The following BTRC variants were observed in gnomAD, a reference collection of about 807,000 sequenced individuals.
The protein encoded by BTRC is F-box/WD repeat-containing protein 1A.
BTRC carries 42 observed loss-of-function variants against 85.5 expected under a neutral mutation model. The ratio of observed to expected loss-of-function variants is 0.49; its 90% CI spans 0.38 to 0.64. BTRC has a LOEUF of 0.64. Among genes scored for constraint, BTRC ranks in the 30% least tolerant of loss-of-function variants. BTRC has a pLI of 0.00. For synonymous variants in BTRC, 255 were observed against 263.3 expected, an observed-to-expected ratio of 0.97 and a Z score of 0.30; for missense variants, 594 against 743.5, an observed-to-expected ratio of 0.80 and a Z score of 2.34.
intron 12 of BTRC, 95 bp from the exon 13 acceptor site, chr10:101,538,198 C>A: frequency 2.0e-6 from 2 of 998,676 alleles, no homozygotes; most frequent in Non-Finnish European, 3.2e-6. Flanking sequence ...CTATACTCAC[C>A]ATCCATATTT....
intron 1 of BTRC, among the ~76,000 whole-genome samples, chr10:101,364,153 C>G (rs1363579578): frequency 6.6e-6 from 1 of 151,972 alleles, no homozygotes; most frequent in Non-Finnish European, 1.5e-5. Flanking sequence ...AACTATTGTG[C>G]TTTCTTCTTT....
At chr10:101,362,232 C>T (rs989391591) in intron 1 of BTRC, among the ~76,000 whole-genome samples, 2 of 152,100 alleles carry the variant, frequency 1.3e-5, no homozygotes, top group Admixed American at 6.6e-5. Flanking sequence ...GCTGGGATTA[C>T]AGCTGTGAGC....
At chr10:101,449,411 A>G (rs528336529) in intron 2 of BTRC, among the ~76,000 whole-genome samples, 1 of 152,240 alleles carries the variant, frequency 6.6e-6, no homozygotes. Flanking sequence ...AAGAAAATCT[A>G]CAGAGGTCGA....
chr10:101,389,528 C>G (rs1166814942), intron 1 of BTRC, among the ~76,000 whole-genome samples: 2 of 151,390 alleles, frequency 1.3e-5, no homozygotes, highest in Non-Finnish European at 1.5e-5. Flanking sequence ...CTGGTCCTTT[C>G]CCACCTATGT....
rs1451115378 is a variant in BTRC at position 101,539,283 on chromosome 10, A to AAATTAGTTGGAGCAACAGGGTGG, written c.1656+914_1656+936dup. ...ATTGATAAATGCTGCTTCCATTAGAAAATTAGTTGGAGCAACAGGGTGGAC... is the reference window on the plus strand; with the variant it reads ...ATTGATAAATGCTGCTTCCATTAGAAAATTAGTTGGAGCAACAGGGTGGAATTAGTTGGAGCAACAGGGTGGAC... On this transcript the variant is annotated intron_variant, in intron 13 of 14. Transcript: ENST00000370187. Among the ~76,000 whole-genome samples the AAATTAGTTGGAGCAACAGGGTGG allele has an allele frequency of 7.9e-5, 12 of 152,308 alleles. No individual in the cohort carries two copies. The East Asian group carries it at 1.3e-3, about 17-fold the overall frequency.
chr10:101,429,487 TTCC>T (rs1189363495), intron 1 of BTRC, among the ~76,000 whole-genome samples: 1 of 134,848 alleles, frequency 7.4e-6, no homozygotes, highest in African/African-American at 2.6e-5. Context: ...TGTCGTCTTC[TTCC>T]TCTTCCTCTC....
At chr10:101,452,535 A>T (rs1034809748) in intron 2 of BTRC, among the ~76,000 whole-genome samples, 1 of 152,228 alleles carries the variant, frequency 6.6e-6, no homozygotes, top group Non-Finnish European at 1.5e-5. Context: ...TTGAGAAAGG[A>T]TGCATCTGTA....
chr10:101,373,498 G>A (rs1276724450), intron 1 of BTRC, among the ~76,000 whole-genome samples: 2 of 152,154 alleles, frequency 1.3e-5, no homozygotes, highest in Non-Finnish European at 2.9e-5. Context: ...GTCATGTTAA[G>A]GGCAATTAGA....
chr10:101,494,862 T>C (rs1468260642), intron 4 of BTRC, among the ~76,000 whole-genome samples: 4 of 152,196 alleles, frequency 2.6e-5, no homozygotes, highest in Non-Finnish European at 4.4e-5. Context: ...TTTCTGATAA[T>C]ATTCAAATGT....
At position 101,499,184 on chromosome 10, in the gene BTRC, A is replaced by G. The variant is rs867328934; in HGVS notation, c.324+19727A>G. ...GAAGGCAACTAACTTGTTCAGGTCT[A>G]TATAGCTTGTACATGGCAGACACTT... is the stretch of plus-strand genomic sequence containing the variant. On this transcript the variant is annotated intron_variant, in intron 4 of 14. Transcript: ENST00000370187. Among the ~76,000 whole-genome samples the G allele has an allele frequency of 6.6e-5, 10 of 152,250 alleles. No individual in the cohort carries two copies. In the South Asian group the frequency reaches 1.7e-3, roughly 25 times the overall value.
At chr10:101,416,674 C>A (rs1164053360) in intron 1 of BTRC, among the ~76,000 whole-genome samples, 1 of 152,118 alleles carries the variant, frequency 6.6e-6, no homozygotes, top group Non-Finnish European at 1.5e-5. Context: ...CTTAGTTTTT[C>A]AGCATCTTAC....
At chr10:101,497,071 C>T (rs912988187) in intron 4 of BTRC, among the ~76,000 whole-genome samples, 1 of 151,980 alleles carries the variant, frequency 6.6e-6, no homozygotes, top group Non-Finnish European at 1.5e-5. Flanking sequence ...ATGTTTAATT[C>T]GTTTGATTTT....
intron 3 of BTRC, among the ~76,000 whole-genome samples, chr10:101,468,162 T>C (rs1945430784): frequency 6.6e-6 from 1 of 152,156 alleles, no homozygotes; most frequent in African/African-American, 2.4e-5. Flanking sequence ...TGGTGCTTTG[T>C]TTTATTTGTA....
chr10:101,473,285 A>T (rs1335403782), intron 3 of BTRC, among the ~76,000 whole-genome samples: 4 of 148,480 alleles, frequency 2.7e-5, no homozygotes, highest in African/African-American at 9.9e-5. Flanking sequence ...CCTCTCCAGT[A>T]AATTTTTTGA....
chr10:101,385,180 A>C (rs959186055), intron 1 of BTRC, among the ~76,000 whole-genome samples: 2 of 151,460 alleles, frequency 1.3e-5, no homozygotes, highest in Non-Finnish European at 2.9e-5. Flanking sequence ...CCTGGGACAC[A>C]GAGTGAGATC....
chr10:101,466,300 A>G (rs967335706), intron 3 of BTRC, among the ~76,000 whole-genome samples: 8 of 152,156 alleles, frequency 5.3e-5, no homozygotes, highest in Non-Finnish European at 1.2e-4. Context: ...AAGCAGCATG[A>G]TGCCAGCCCT....
intron 3 of BTRC, among the ~76,000 whole-genome samples, chr10:101,470,922 A>G (rs1389637790): frequency 6.6e-6 from 1 of 152,158 alleles, no homozygotes; most frequent in Non-Finnish European, 1.5e-5. Flanking sequence ...ATTTAGTTAT[A>G]TAAGAGTTAT....
intron 12 of BTRC, among the ~76,000 whole-genome samples, 188 bp from the exon 13 acceptor site, chr10:101,538,105 T>G (rs2062413881): frequency 1.3e-5 from 2 of 152,210 alleles, no homozygotes; most frequent in African/African-American, 4.8e-5. Flanking sequence ...TCCCAAAGTA[T>G]GGTATAACTT....
chr10:101,535,734 T>C (rs2062375722), intron 11 of BTRC, among the ~76,000 whole-genome samples: 1 of 152,216 alleles, frequency 6.6e-6, no homozygotes, highest in Non-Finnish European at 1.5e-5. Context: ...GCCATTGTTT[T>C]TAAGAAATGA....
Sources: gnomAD v4.1 joint callset for allele counts (sites outside exome capture counted in the v4.1 genomes callset) on GRCh38, gnomAD v4.1.1 for gene constraint, MANE v1.5 for transcripts, NCBI Gene and HGNC (gene_info 2026-07-23, HGNC 2026-07-21) for gene names.